The following PDE1A variants were observed in gnomAD, a reference collection of about 807,000 sequenced individuals.
PDE1A encodes the protein phosphodiesterase 1A.
In PDE1A, 35 loss-of-function variants were observed where a neutral mutation model predicts 61.7. The ratio of observed to expected loss-of-function variants is 0.57; its 90% CI spans 0.43 to 0.75. PDE1A has a LOEUF of 0.75. PDE1A is among the 30% of genes least tolerant of loss of function. PDE1A has a pLI of 0.00. For synonymous variants in PDE1A, 232 were observed against 213.2 expected, an observed-to-expected ratio of 1.09 and a Z score of -0.77; for missense variants, 597 against 630.6, an observed-to-expected ratio of 0.95 and a Z score of 0.57.
intron 1 of PDE1A, among the ~76,000 whole-genome samples, chr2:182,401,464 T>C (rs1233766223): frequency 6.6e-6 from 1 of 152,180 alleles, no homozygotes; most frequent in Admixed American, 6.5e-5. Context: ...TTCAATAAAA[T>C]TCAGTAGCCC....
chr2:182,690,087 A>G, the PDE1A span, among the ~76,000 whole-genome samples: 1 of 152,210 alleles, frequency 6.6e-6, no homozygotes, highest in South Asian at 2.1e-4. Context: ...TCACAGCCGA[A>G]TTCTACCAGA....
At chr2:182,524,522 T>C (rs1690738074), upstream of PDE1A, among the ~76,000 whole-genome samples, 1 of 152,120 alleles carries the variant, frequency 6.6e-6, no homozygotes, top group Non-Finnish European at 1.5e-5. Context: ...CACATTGATA[T>C]TTAAGACCTC....
the PDE1A span, among the ~76,000 whole-genome samples, chr2:182,548,412 A>C: frequency 2.1e-4 from 32 of 152,214 alleles, no homozygotes; most frequent in African/African-American, 6.5e-4. Flanking sequence ...GGATACGACC[A>C]AGCAAAATGC....
chr2:182,153,959 T>C (rs190937306), intron 13 of PDE1A, among the ~76,000 whole-genome samples: 411 of 152,296 alleles, frequency 2.7e-3, no homozygotes, highest in African/African-American at 9.5e-3. Flanking sequence ...ATGCCAAAAA[T>C]TCACATATTC....
chr2:182,645,718 T>G, the PDE1A span, among the ~76,000 whole-genome samples: 1 of 152,166 alleles, frequency 6.6e-6, no homozygotes, highest in African/African-American at 2.4e-5. Flanking sequence ...GAAAAAAAAT[T>G]AATATATGGC....
intron 13 of PDE1A, among the ~76,000 whole-genome samples, chr2:182,170,492 T>C (rs1692105050): frequency 6.6e-6 from 1 of 152,064 alleles, no homozygotes; most frequent in Non-Finnish European, 1.5e-5. Flanking sequence ...TGGGGTAAGG[T>C]TTCACAGGAA....
intron 2 of PDE1A, among the ~76,000 whole-genome samples, chr2:182,248,539 T>C (rs905816430): frequency 6.6e-6 from 1 of 152,112 alleles, no homozygotes; most frequent in African/African-American, 2.4e-5. Context: ...TAATTTTCTC[T>C]TGAAATCAGA....
chr2:182,470,167 T>C (rs1686937660), intron 2 of PDE1A, among the ~76,000 whole-genome samples: 1 of 151,874 alleles, frequency 6.6e-6, no homozygotes, highest in Admixed American at 6.6e-5. Context: ...AAGCACAATA[T>C]CTGTGAAGTG....
chr2:182,526,207 G>C (rs555978912), upstream of PDE1A, among the ~76,000 whole-genome samples: 1 of 151,982 alleles, frequency 6.6e-6, no homozygotes, highest in Non-Finnish European at 1.5e-5. Context: ...GCAGACTAAG[G>C]TACTCTTAAA....
intron 1 of PDE1A, among the ~76,000 whole-genome samples, chr2:182,274,001 T>C (rs1693227104): frequency 6.6e-6 from 1 of 152,088 alleles, no homozygotes; most frequent in Non-Finnish European, 1.5e-5. Flanking sequence ...TGTTGGCAGA[T>C]TCAATGTCTG....
At chr2:182,276,033 G>C (rs560276288) in intron 1 of PDE1A, among the ~76,000 whole-genome samples, 16 of 152,144 alleles carry the variant, frequency 1.1e-4, no homozygotes, top group African/African-American at 3.6e-4. Context: ...AGAAAGGAAG[G>C]AGGAATCTAA....
intron 11 of PDE1A, among the ~76,000 whole-genome samples, chr2:182,187,571 G>A (rs1685316529): frequency 6.6e-6 from 1 of 151,964 alleles, no homozygotes; most frequent in South Asian, 2.1e-4. Flanking sequence ...TCAGATGCTT[G>A]GATAAAAGTA....
intron 10 of PDE1A, among the ~76,000 whole-genome samples, chr2:182,189,884 TC>T (rs1221928020): frequency 6.6e-6 from 1 of 152,232 alleles, no homozygotes; most frequent in Non-Finnish European, 1.5e-5. Flanking sequence ...TTGTTCTTGT[TC>T]ATTTCAATTT....
intron 10 of PDE1A, among the ~76,000 whole-genome samples, chr2:182,198,376 T>C (rs192945175): frequency 2.0e-5 from 3 of 152,032 alleles, no homozygotes; most frequent in East Asian, 1.9e-4. Context: ...CTTCCTACAC[T>C]GGCTAGAACT....
At chr2:182,430,136 C>T (rs1165558626), upstream of PDE1A, among the ~76,000 whole-genome samples, 1 of 151,848 alleles carries the variant, frequency 6.6e-6, no homozygotes, top group Non-Finnish European at 1.5e-5. Context: ...AGCTTCTGCA[C>T]AGCAAAAGAA....
intron 7 of PDE1A, among the ~76,000 whole-genome samples, chr2:182,208,217 C>G (rs181642036): frequency 1.3e-5 from 2 of 152,106 alleles, no homozygotes; most frequent in African/African-American, 4.8e-5. Context: ...GTACCTGAGG[C>G]TGGGTAATTT....
At chr2:182,712,930 C>T in the PDE1A span, among the ~76,000 whole-genome samples, 7 of 152,084 alleles carry the variant, frequency 4.6e-5, no homozygotes, top group Non-Finnish European at 7.4e-5. Flanking sequence ...CTTCCCATTG[C>T]TCATAGGAAA....
the PDE1A span, among the ~76,000 whole-genome samples, chr2:182,634,900 A>C: frequency 2.7e-4 from 41 of 152,360 alleles, 2 homozygotes; most frequent in East Asian, 7.1e-3. Flanking sequence ...AGAAATATTG[A>C]AAACAGGTGC....
intron 2 of PDE1A, among the ~76,000 whole-genome samples, chr2:182,499,158 CTT>C (rs1187166737): frequency 1.7e-5 from 2 of 117,268 alleles, no homozygotes; most frequent in African/African-American, 3.5e-5. Context: ...AGGCTATTTT[CTT>C]TCTCTTTTTC....
Sources: allele counts gnomAD v4.1 joint callset (sites outside exome capture counted in the v4.1 genomes callset), GRCh38; gene constraint gnomAD v4.1.1; transcripts MANE v1.5; gene names NCBI Gene and HGNC (gene_info 2026-07-23, HGNC 2026-07-21).